LSMEM1: variants seen among roughly 807,000 people sequenced by gnomAD.
LSMEM1 encodes the protein leucine-rich single-pass membrane protein 1.
Under a neutral mutation model 11.3 loss-of-function variants are expected in LSMEM1, and 10 were observed. The observed-to-expected ratio is 0.89, with a 90% confidence interval of 0.55 to 1.50. The LOEUF (loss-of-function observed/expected upper bound fraction) is 1.50, where lower values mean the gene tolerates loss of function less well. Among genes scored for constraint, LSMEM1 ranks in the 40% most tolerant of loss-of-function variants. The pLI is 0.00. For missense variants in LSMEM1, 151 were observed against 152.9 expected (o/e 0.99, Z 0.06); for synonymous variants, 65 against 59.3 (o/e 1.10, Z -0.44).
chr7:112,482,734 T>C (rs751426521), intron 1 of LSMEM1, among the ~76,000 whole-genome samples: 2 of 152,222 alleles, frequency 1.3e-5, no homozygotes, highest in African/African-American at 2.4e-5. Context: ...GACTGACCTC[T>C]AAGGCCCTTT....
intron 1 of LSMEM1, among the ~76,000 whole-genome samples, chr7:112,481,804 T>C (rs1298647399): frequency 6.6e-6 from 1 of 152,248 alleles, no homozygotes; most frequent in African/African-American, 2.4e-5. Flanking sequence ...ACTTACATGT[T>C]TCCAGTCAAG....
intron 2 of LSMEM1, chr7:112,486,289 CTT>C (rs1796125777): frequency 2.4e-6 from 1 of 408,280 alleles, no homozygotes; most frequent in African/African-American, 2.1e-5. Context: ...TTCTATCACT[CTT>C]AGCCTTTAAC....
chr7:112,483,216 T>A (rs540760354), intron 1 of LSMEM1, among the ~76,000 whole-genome samples: 1 of 152,236 alleles, frequency 6.6e-6, no homozygotes, highest in South Asian at 2.1e-4. Context: ...AAAGGAAATT[T>A]TTGCAACAAC....
rs1290530396 is a variant in LSMEM1, at chr7:112,490,579, T to C, written c.*630T>C. On this transcript the variant is annotated 3_prime_UTR_variant, in exon 4 of 4. Transcript: ENST00000312849. ...AAGCCTAATTAATTCAACTAATGTTTATTAAGCTCCTACTCTGTGCAAATC... is the reference window on the plus strand; with the variant it reads ...AAGCCTAATTAATTCAACTAATGTTCATTAAGCTCCTACTCTGTGCAAATC... The C allele has an allele frequency of 6.6e-6, 1 of 152,338 alleles. No homozygotes were observed. Among genetic ancestry groups the C allele is most frequent in the Non-Finnish European group, 1.5e-5 (1 of 68,134 alleles). 9.4% of individuals were successfully genotyped at this position (152,338 alleles called of 1,614,324 possible).
rs751047431 is a variant in LSMEM1 at position 112,489,814 on chromosome 7, A to G, written c.261A>G (p.Gln87=). ...AGTCTGTTTTCTGTTTTGAAGTTCA[A>G]ACTGGAAACAAGATGGATGATGTGT... ...LVFFVIFLIV[Q]TGNKMDDVSR... The change falls in exon 4 of 4, where the codon CAA becomes CAG. Residue 87 remains glutamine (Q), a synonymous_variant. Transcript: ENST00000312849. 4 of 1,611,186 alleles carry G rather than the reference A, an allele frequency of 2.5e-6. No individual in the cohort carries two copies. In the South Asian group the frequency reaches 3.3e-5, roughly 13 times the overall value.
intron 3 of LSMEM1, among the ~76,000 whole-genome samples, 163 bp downstream of exon 3, chr7:112,487,214 G>A (rs895738426): frequency 6.6e-6 from 1 of 151,716 alleles, no homozygotes; most frequent in Non-Finnish European, 1.5e-5. Context: ...ACTGGCTGAG[G>A]ACAGGGTCCC....
chr7:112,487,983 G>A (rs1046799356), intron 3 of LSMEM1, among the ~76,000 whole-genome samples: 2 of 152,178 alleles, frequency 1.3e-5, no homozygotes, highest in Non-Finnish European at 2.9e-5. Context: ...GATTAGAGGA[G>A]GCAGAGGTGA....
intron 2 of LSMEM1, 65 bp from the exon 3 acceptor site, chr7:112,486,858 C>T: frequency 1.2e-6 from 2 of 1,604,324 alleles, no homozygotes; most frequent in South Asian, 1.1e-5. Flanking sequence ...GGGTACTGTT[C>T]AGTTCTGCTG....
chr7:112,484,883 G>A lies in LSMEM1; in HGVS notation c.67G>A (p.Asp23Asn). Residue 23 changes from aspartate to asparagine, a missense_variant, in exon 2 of 4, where the codon GAT becomes AAT. Transcript: ENST00000312849. ...IQEDGKLYVV[D>N]SINDLNKLNL... Reference sequence around the variant, plus strand: ...GGAAGATGGAAAGCTTTATGTGGTGGATTCCATAAATGACTTAAACAAACT... The same window carrying A: ...GGAAGATGGAAAGCTTTATGTGGTGAATTCCATAAATGACTTAAACAAACT... 6.2e-7 allele frequency: 1 copy of A among 1,613,804 alleles called. No homozygotes were observed. Among genetic ancestry groups the A allele is most frequent in the Non-Finnish European group, 8.5e-7 (1 of 1,179,772 alleles).
At position 112,490,963 on chromosome 7, in the gene LSMEM1, T is replaced by C. The variant is rs1458771237; in HGVS notation, c.*1014T>C. ...AATTGAAGAATGTATTATGATTCTA[T>C]CATTTTGGATTGATCAAAAACATTT... On this transcript the variant is annotated 3_prime_UTR_variant, in exon 4 of 4. Transcript: ENST00000312849. The C allele has an allele frequency of 6.6e-6, 1 of 152,236 alleles. No homozygotes were observed. Among genetic ancestry groups the C allele is most frequent in the Admixed American group, 6.5e-5 (1 of 15,288 alleles). 9.4% of individuals were successfully genotyped at this position (152,236 alleles called of 1,614,324 possible). A position where few individuals can be genotyped will look rare whatever the true frequency, so the allele number is the denominator to read the frequency against.
chr7:112,488,410 G>T (rs1241355168), intron 3 of LSMEM1, among the ~76,000 whole-genome samples: 3 of 152,116 alleles, frequency 2.0e-5, no homozygotes, highest in Non-Finnish European at 2.9e-5. Flanking sequence ...TTTTAGGTAT[G>T]TCTACAGACA....
chr7:112,489,108 A>G (rs1205076790), intron 3 of LSMEM1, among the ~76,000 whole-genome samples: 1 of 152,230 alleles, frequency 6.6e-6, no homozygotes, highest in East Asian at 1.9e-4. Context: ...TTTTATTGAG[A>G]ACAAAGTCAT....
Position 112,489,869 on chromosome 7 carries a change from A to C in LSMEM1, c.316A>C (p.Ile106Leu). 6.2e-7 allele frequency: 1 copy of C among 1,614,200 alleles called. No individual in the cohort carries two copies. Among genetic ancestry groups the C allele is most frequent in the Non-Finnish European group, 8.5e-7 (1 of 1,180,018 alleles). ...SRRLTAEGKD[I>L]DDLKRINNMI... ...AAGACTAACAGCTGAAGGAAAAGAC[A>C]TAGATGATCTTAAGAGAATCAATAA... The change falls in exon 4 of 4, where the codon ATA becomes CTA. Residue 106 changes from isoleucine (I) to leucine (L), a missense_variant. Ile to Leu is a conservative substitution (Grantham distance 5). Coordinates refer to ENST00000312849, the MANE Select transcript of LSMEM1 (RefSeq NM_182597.3).
chr7:112,488,756 C>A (rs1796184928), intron 3 of LSMEM1, among the ~76,000 whole-genome samples: 1 of 152,128 alleles, frequency 6.6e-6, no homozygotes, highest in Non-Finnish European at 1.5e-5. Context: ...GCCGCCATGC[C>A]CAGCTAATTT....
rs773878357 is a variant in LSMEM1, at chr7:112,490,023, C to A, written c.*74C>A. ...TCCTGGGAGTGTACAGGGTTAGGAA[C>A]TGAGAAAGTGCACTTCCTCAGGCAA... On this transcript the variant is annotated 3_prime_UTR_variant, in exon 4 of 4. Coordinates refer to ENST00000312849, the MANE Select transcript of LSMEM1 (RefSeq NM_182597.3). 176 of 1,491,608 alleles carry A rather than the reference C, an allele frequency of 1.2e-4. No individual in the cohort carries two copies. Among genetic ancestry groups the A allele is most frequent in the Non-Finnish European group, 1.5e-4 (164 of 1,114,440 alleles). 92.4% of individuals were successfully genotyped at this position (1,491,608 alleles called of 1,614,324 possible).
At chr7:112,486,494 C>A in intron 2 of LSMEM1, 2 of 375,642 alleles carry the variant, frequency 5.3e-6, no homozygotes, top group Non-Finnish European at 1.1e-5. Context: ...ACAGAAGTCA[C>A]GGCCGGGCGC....
upstream of LSMEM1, among the ~76,000 whole-genome samples, chr7:112,480,421 A>G (rs17159704): frequency 0.011 from 1,732 of 152,334 alleles, 9 homozygotes; most frequent in South Asian, 0.02. Context: ...AAAATGTTTC[A>G]AAGATGAATA....
intron 3 of LSMEM1, among the ~76,000 whole-genome samples, chr7:112,487,350 C>G (rs1247197589): frequency 3.3e-5 from 5 of 152,244 alleles, no homozygotes; most frequent in African/African-American, 1.2e-4. Context: ...GCAACTTATT[C>G]TGGTTGATTC....
chr7:112,490,176 G>A lies in LSMEM1; in HGVS notation c.*227G>A. The A allele has an allele frequency of 2.3e-6, 1 of 434,654 alleles. No individual in the cohort carries two copies. The highest frequency in any genetic ancestry group is 2.0e-5 in the African/African-American group (1 of 50,034). 26.9% of individuals were successfully genotyped at this position (434,654 alleles called of 1,614,324 possible). A position where few individuals can be genotyped will look rare whatever the true frequency, so the allele number is the denominator to read the frequency against. ...TGAACTTGTCTCAGCCCCCTTTTATGGTAGGGCACTTCAACTTTAATGGGG... is the reference window on the plus strand; with the variant it reads ...TGAACTTGTCTCAGCCCCCTTTTATAGTAGGGCACTTCAACTTTAATGGGG... On this transcript the variant is annotated 3_prime_UTR_variant, in exon 4 of 4. Transcript: ENST00000312849.
Sources: allele counts gnomAD v4.1 joint callset (sites outside exome capture counted in the v4.1 genomes callset), GRCh38; gene constraint gnomAD v4.1.1; transcripts MANE v1.5; gene names NCBI Gene and HGNC (gene_info 2026-07-23, HGNC 2026-07-21).